Variants in SYNPR observed in about 807,000 individuals in gnomAD.
SYNPR encodes synaptoporin.
Under a neutral mutation model 32.9 loss-of-function variants are expected in SYNPR, and 23 were observed. That is an observed-to-expected ratio of 0.70 (90% confidence interval 0.50 to 0.99). SYNPR has a LOEUF of 0.99. Among genes scored for constraint, SYNPR ranks in the 50% least tolerant of loss-of-function variants. SYNPR has a pLI of 0.00. For synonymous variants in SYNPR, 146 were observed against 135.9 expected, an observed-to-expected ratio of 1.07 and a Z score of -0.52; for missense variants, 318 against 349.3, an observed-to-expected ratio of 0.91 and a Z score of 0.71.
intron 2 of SYNPR, among the ~76,000 whole-genome samples, chr3:63,322,070 G>A (rs371218545): frequency 6.6e-6 from 1 of 152,018 alleles, no homozygotes; most frequent in South Asian, 2.1e-4. Flanking sequence ...AGGAGAAACA[G>A]CCTCTTGAAA....
intron 2 of SYNPR, among the ~76,000 whole-genome samples, chr3:63,363,106 C>A (rs2087682857): frequency 1.3e-5 from 2 of 152,052 alleles, no homozygotes; most frequent in Admixed American, 6.6e-5. Flanking sequence ...TTCTTGTGTA[C>A]CTTACTATTG....
chr3:63,327,613 G>T (rs992866938), intron 2 of SYNPR, among the ~76,000 whole-genome samples: 2 of 151,976 alleles, frequency 1.3e-5, no homozygotes, highest in Non-Finnish European at 2.9e-5. Flanking sequence ...TGATGAGAAT[G>T]GACAAACTAT....
rs566128058 is a variant in SYNPR at position 63,349,608 on chromosome 3, T to C, written c.84+70866T>C. 2.0e-5 allele frequency among the ~76,000 whole-genome samples: 3 copies of C among 152,356 alleles called. No individual in the cohort carries two copies. In the South Asian group the frequency reaches 6.2e-4, roughly 32 times the overall value. On this transcript the variant is annotated intron_variant, in intron 2 of 5. Coordinates refer to ENST00000478300, the MANE Select transcript of SYNPR (RefSeq NM_001130003.2). The stretch of plus-strand genomic sequence containing the variant: ...TGCCTTCTCGATTTTGTTCTAAGCT[T>C]TATTGTTATTGGTGCATCGAAATGC...
At chr3:63,320,621 A>G (rs1039540164) in intron 2 of SYNPR, among the ~76,000 whole-genome samples, 1 of 152,080 alleles carries the variant, frequency 6.6e-6, no homozygotes, top group Non-Finnish European at 1.5e-5. Flanking sequence ...ACATATAGCA[A>G]TAAGTTTGAA....
chr3:63,463,635 A>C (rs917390635), intron 2 of SYNPR, among the ~76,000 whole-genome samples: 1 of 152,114 alleles, frequency 6.6e-6, no homozygotes, highest in Non-Finnish European at 1.5e-5. Context: ...ATCTGAATCC[A>C]CCATGTCCGC....
At chr3:63,403,552 C>T (rs1470738299) in intron 2 of SYNPR, among the ~76,000 whole-genome samples, 8 of 152,076 alleles carry the variant, frequency 5.3e-5, no homozygotes, top group Non-Finnish European at 8.8e-5. Flanking sequence ...ATACCATCCT[C>T]ATTTAACAGA....
At chr3:63,205,364 G>A in the SYNPR span, among the ~76,000 whole-genome samples, 226 of 152,250 alleles carry the variant, frequency 1.5e-3, no homozygotes, top group Admixed American at 3.4e-3. Flanking sequence ...GTCCCTACCT[G>A]TCCAAAATAT....
intron 3 of SYNPR, among the ~76,000 whole-genome samples, chr3:63,551,706 CT>C (rs1304590467): frequency 1.3e-5 from 2 of 152,010 alleles, no homozygotes; most frequent in Non-Finnish European, 2.9e-5. Flanking sequence ...AATCTCCAGC[CT>C]AAAAGTCACT....
At chr3:63,559,596 G>A (rs7432812) in intron 4 of SYNPR, among the ~76,000 whole-genome samples, 1 of 151,860 alleles carries the variant, frequency 6.6e-6, no homozygotes, top group Non-Finnish European at 1.5e-5. Context: ...TCTGTTTTTA[G>A]AAATTTGTTA....
chr3:63,556,561 T>C lies in SYNPR; in HGVS notation c.228T>C (p.Phe76=), dbSNP rs763409764. Residue 76 remains phenylalanine (F), a synonymous_variant, in exon 4 of 6, where the codon TTT becomes TTC. Transcript: ENST00000478300. ...AYPFRLHQVT[F]EVPTCEGKER... is the part of the protein sequence containing the mutation. Reference sequence around the variant, plus strand: ...AATTTAGGTTGCACCAGGTGACGTTTGAGGTGCCCACCTGCGAGGGAAAGG... The same window carrying C: ...AATTTAGGTTGCACCAGGTGACGTTCGAGGTGCCCACCTGCGAGGGAAAGG... The C allele has an allele frequency of 5.6e-6, 9 of 1,613,086 alleles. No homozygotes were observed. In the South Asian group the frequency reaches 9.9e-5, roughly 18 times the overall value.
intron 2 of SYNPR, among the ~76,000 whole-genome samples, chr3:63,301,251 T>C (rs1244099102): frequency 6.6e-6 from 1 of 152,144 alleles, no homozygotes; most frequent in Non-Finnish European, 1.5e-5. Context: ...GATAATATTT[T>C]GGGTGACTGT....
chr3:63,231,594 A>C (rs1410426262), intron 1 of SYNPR, among the ~76,000 whole-genome samples: 1 of 152,018 alleles, frequency 6.6e-6, no homozygotes, highest in African/African-American at 2.4e-5. Context: ...TAAATAAGTA[A>C]TGTTACTGCT....
At chr3:63,506,080 CCCTT>C (rs113121978) in intron 3 of SYNPR, among the ~76,000 whole-genome samples, 13 of 150,256 alleles carry the variant, frequency 8.7e-5, no homozygotes, top group Non-Finnish European at 1.5e-4. Flanking sequence ...AGATGCTCCT[CCCTT>C]CCTTCCTTCC....
At chr3:63,536,475 G>T (rs1226183253) in intron 3 of SYNPR, among the ~76,000 whole-genome samples, 1 of 152,170 alleles carries the variant, frequency 6.6e-6, no homozygotes, top group Non-Finnish European at 1.5e-5. Flanking sequence ...TGACAAGGCT[G>T]TGGAAAAACT....
At chr3:63,240,171 C>T (rs1426751351) in intron 1 of SYNPR, among the ~76,000 whole-genome samples, 1 of 152,042 alleles carries the variant, frequency 6.6e-6, no homozygotes, top group Non-Finnish European at 1.5e-5. Flanking sequence ...ACATGCAAAG[C>T]AGTACAAACT....
At chr3:63,485,054 G>C (rs1483656780) in intron 3 of SYNPR, among the ~76,000 whole-genome samples, 1 of 152,106 alleles carries the variant, frequency 6.6e-6, no homozygotes, top group Non-Finnish European at 1.5e-5. Flanking sequence ...AGAAGCACAG[G>C]GGAATTCTCT....
intron 3 of SYNPR, among the ~76,000 whole-genome samples, chr3:63,519,678 A>G (rs1197813243): frequency 6.6e-6 from 1 of 152,216 alleles, no homozygotes; most frequent in East Asian, 1.9e-4. Flanking sequence ...TGGTTTGTAC[A>G]ACCACATTGC....
At chr3:63,446,284 T>TG (rs1559501654) in intron 2 of SYNPR, among the ~76,000 whole-genome samples, 1 of 151,870 alleles carries the variant, frequency 6.6e-6, no homozygotes, top group Non-Finnish European at 1.5e-5. Context: ...CACCATGTTT[T>TG]TTTTTTTTTT....
At chr3:63,521,720 C>G (rs1361590215) in intron 3 of SYNPR, among the ~76,000 whole-genome samples, 2 of 152,182 alleles carry the variant, frequency 1.3e-5, no homozygotes, top group Non-Finnish European at 2.9e-5. Flanking sequence ...GATCTAAGTT[C>G]CTAACTCATA....
Sources: gnomAD v4.1 joint callset for allele counts (sites outside exome capture counted in the v4.1 genomes callset) on GRCh38, gnomAD v4.1.1 for gene constraint, MANE v1.5 for transcripts, NCBI Gene and HGNC (gene_info 2026-07-23, HGNC 2026-07-21) for gene names.